MYO15B: variants seen among roughly 807,000 people sequenced by gnomAD.
MYO15B encodes the protein myosin XVB.
In MYO15B, 207 loss-of-function variants were observed where a neutral mutation model predicts 119.3. That is an observed-to-expected ratio of 1.73 (90% confidence interval 1.55 to 1.95). The LOEUF (loss-of-function observed/expected upper bound fraction) is 1.95. Ranked by LOEUF, MYO15B falls within the 30% of genes most tolerant of loss-of-function variation. The probability of loss-of-function intolerance (pLI) is 0.00; values close to 1 mark genes in which losing one functional copy is unlikely to be tolerated. For synonymous variants in MYO15B, 966 were observed against 498.9 expected (o/e 1.94, Z -12.48); for missense variants, 2,264 against 1,203.1 (o/e 1.88, Z -13.04).
intron 21 of MYO15B, among the ~76,000 whole-genome samples, chr17:75,609,661 TC>T (rs2057885886): frequency 6.7e-6 from 1 of 149,570 alleles, no homozygotes; most frequent in South Asian, 2.1e-4. Flanking sequence ...CCTCCTCCTC[TC>T]TCTCTTTCTT....
exon 41 of MYO15B, chr17:75,617,259 C>A: frequency 1.5e-6 from 1 of 685,176 alleles, no homozygotes; most frequent in Non-Finnish European, 2.7e-6. Flanking sequence ...AGCGCCACCA[C>A]TGCCTCTGCC....
rs775967401 is a variant in MYO15B, at chr17:75,625,232, CCT to C, written c.8800_8801del (p.Ser2934ArgfsTer46). On this transcript the variant is annotated frameshift_variant, in exon 60 of 64. Transcript: ENST00000645453. LOFTEE classifies it high-confidence loss of function. ...CTCAGCAAGGCCAACAGGAATACCC[CCT>C]CAGGGTGAGTGGAGGCACCTCCCGC... 2.0e-4 allele frequency: 141 copies of C among 699,744 alleles called. 1 individual carries two copies. In the African/African-American group the frequency reaches 2.3e-3, roughly 12 times the overall value. The allele number at this position is 699,744 out of a possible 1,614,324, so 43.3% of individuals were successfully genotyped here.
chr17:75,617,921 A>T (rs2058477299), exon 42 of MYO15B: 2 of 702,726 alleles, frequency 2.8e-6, no homozygotes, highest in Non-Finnish European at 5.2e-6. Flanking sequence ...CTACGCAAGG[A>T]GGTGGGCATG....
intron 14 of MYO15B, among the ~76,000 whole-genome samples, chr17:75,597,620 G>A (rs1310196983): frequency 6.6e-6 from 1 of 152,232 alleles, no homozygotes; most frequent in African/African-American, 2.4e-5. Context: ...GGAGAGAAAT[G>A]TTCATTTAAA....
At chr17:75,594,882 G>A in exon 12 of MYO15B, 1 of 703,064 alleles carries the variant, frequency 1.4e-6, no homozygotes, top group Non-Finnish European at 2.6e-6. Context: ...TCTTCCACCG[G>A]CTTCTGAGGA....
At chr17:75,616,651 C>T (rs1346355688) in exon 39 of MYO15B, 3 of 702,850 alleles carry the variant, frequency 4.3e-6, no homozygotes, top group Non-Finnish European at 7.8e-6. Context: ...AAGGGCCAGC[C>T]CAAGGCAGGG....
At chr17:75,588,224 C>G in exon 1 of MYO15B, 1 of 398,132 alleles carries the variant, frequency 2.5e-6, no homozygotes, top group African/African-American at 2.1e-5. Flanking sequence ...GAGCCTGCCA[C>G]CGCCGGGGGC....
At chr17:75,620,880 G>T in intron 49 of MYO15B, 151 bp from the exon 50 acceptor site, 1 of 702,106 alleles carries the variant, frequency 1.4e-6, no homozygotes, top group Non-Finnish European at 2.6e-6. Context: ...GTTCAAGGCT[G>T]CCCCAGCAGA....
At chr17:75,594,417 C>T (rs929476739) in intron 9 of MYO15B, 58 bp from the exon 10 acceptor site, 15 of 577,840 alleles carry the variant, frequency 2.6e-5, no homozygotes, top group Non-Finnish European at 4.6e-5. Context: ...CCTGCCCTGC[C>T]TGGGGAGTGT....
chr17:75,591,447 C>T (rs1389478508), intron 4 of MYO15B, 154 bp from the exon 5 acceptor site: 12 of 617,596 alleles, frequency 1.9e-5, no homozygotes, highest in South Asian at 3.8e-5. Context: ...TCTTTTCTGT[C>T]GGGTCTCTCC....
exon 21 of MYO15B, chr17:75,605,940 T>C: frequency 1.4e-6 from 1 of 702,684 alleles, no homozygotes; most frequent in Non-Finnish European, 2.6e-6. Flanking sequence ...CTGGTCGACC[T>C]GCACCGCAGC....
chr17:75,624,847 C>T (rs1030069602), exon 59 of MYO15B: 2 of 703,032 alleles, frequency 2.8e-6, no homozygotes, highest in Non-Finnish European at 5.2e-6. Context: ...GCCTGCACAG[C>T]CGGCGGCTCC....
chr17:75,621,793 G>C, intron 52 of MYO15B: 1 of 605,210 alleles, frequency 1.7e-6, no homozygotes. Flanking sequence ...CATGGGTCCA[G>C]AGGATGCTAT....
exon 56 of MYO15B, chr17:75,624,216 A>C (rs905918875): frequency 5.7e-5 from 40 of 702,820 alleles, no homozygotes; most frequent in Admixed American, 5.6e-4. Flanking sequence ...GCGCACAGTC[A>C]AATATGGGGG....
chr17:75,590,366 C>T (rs200802537), intron 1 of MYO15B, 123 bp downstream of exon 1: 4 of 398,226 alleles, frequency 1.0e-5, no homozygotes, highest in Non-Finnish European at 1.8e-5. Flanking sequence ...GGCTTGAACC[C>T]TCCTGGCAGG....
rs768059530 is a variant in MYO15B, at chr17:75,602,782, G to T, written c.3730-48G>T. 6.6e-6 allele frequency: 4 copies of T among 606,466 alleles called. No homozygotes were observed. In the South Asian group the frequency reaches 7.8e-5, roughly 12 times the overall value. The allele number at this position is 606,466 out of a possible 1,614,324, so 37.6% of individuals were successfully genotyped here. On this transcript the variant is annotated intron_variant, in intron 16 of 63. Transcript: ENST00000645453. Reference sequence around the variant, plus strand: ...TCTGGCTCTCCCGGGCTGCAGGGTGGATGGGCACGCCCCAGCGGCCAGCTG... The same window carrying T: ...TCTGGCTCTCCCGGGCTGCAGGGTGTATGGGCACGCCCCAGCGGCCAGCTG...
Position 75,589,863 on chromosome 17 carries a change from C to T in MYO15B, c.1806C>T (p.Gly602=), listed in dbSNP as rs2056326039. The T allele has an allele frequency of 2.5e-6, 1 of 398,552 alleles. No individual in the cohort carries two copies. Among genetic ancestry groups the T allele is most frequent in the Admixed American group, 4.4e-5 (1 of 22,746 alleles). The allele number at this position is 398,552 out of a possible 1,614,324, so 24.7% of individuals were successfully genotyped here. A position where few individuals can be genotyped will look rare whatever the true frequency, so the allele number is the denominator to read the frequency against. Residue 602 remains glycine (G), a synonymous_variant, in exon 1 of 64, where the codon GGC becomes GGT. Coordinates refer to ENST00000645453, the Ensembl canonical transcript of MYO15B. This position sits in a 1 kb window ranked among gnomAD's most constrained non-coding sequence, Gnocchi z 4.2. ...AAGGGGTGTCCGGGCTTCGTCGCGG[C>T]TCCCTCCTTGCCCCGACTGCACCCG...
At chr17:75,621,168 C>T in exon 50 of MYO15B, 1 of 695,088 alleles carries the variant, frequency 1.4e-6, no homozygotes, top group Middle Eastern at 2.3e-4. Context: ...TCCGGAGGTC[C>T]CAGGCCTTGT....
In MYO15B at chr17:75,611,885, G is replaced by C. The variant is rs776808894; in HGVS notation, c.4505-1G>C. ...GGCTGCCTCCCGGTGCTTGTTCCCAGGCCATCGGGACGCCCTGGCTGGGAG... is the reference window on the plus strand; with the variant it reads ...GGCTGCCTCCCGGTGCTTGTTCCCACGCCATCGGGACGCCCTGGCTGGGAG... On this transcript the variant is annotated splice_acceptor_variant, in intron 24 of 63. Coordinates refer to ENST00000645453, the Ensembl canonical transcript of MYO15B. LOFTEE classifies it high-confidence loss of function. 6 of 702,958 alleles carry C rather than the reference G, an allele frequency of 8.5e-6. No homozygotes were observed. Among genetic ancestry groups the C allele is most frequent in the Middle Eastern group, 2.3e-4 (1 of 4,370 alleles). The allele number at this position is 702,958 out of a possible 1,614,324, so 43.5% of individuals were successfully genotyped here.
Sources: allele counts gnomAD v4.1 joint callset (sites outside exome capture counted in the v4.1 genomes callset), GRCh38; gene constraint gnomAD v4.1.1; non-coding constraint Gnocchi (gnomAD v3.1); transcripts MANE v1.5; gene names NCBI Gene and HGNC (gene_info 2026-07-23, HGNC 2026-07-21).